The following ARHGAP21 variants were observed in gnomAD, a reference collection of about 807,000 sequenced individuals.
The protein encoded by ARHGAP21 is Rho GTPase activating protein 21.
In ARHGAP21, 38 loss-of-function variants were observed where a neutral mutation model predicts 164.6. The observed-to-expected ratio is 0.23, with a 90% CI of 0.18 to 0.30. ARHGAP21 has a LOEUF of 0.30. Ranked by LOEUF, ARHGAP21 falls within the 10% of genes least tolerant of loss-of-function variation. The probability of loss-of-function intolerance (pLI) is 1.00; values close to 1 mark genes in which losing one functional copy is unlikely to be tolerated. For synonymous variants in ARHGAP21, 766 were observed against 857.9 expected (o/e 0.89, Z 1.87); for missense variants, 1,822 against 2,370.7 (o/e 0.77, Z 4.81).
At chr10:24,720,479 T>C (rs191747847) in intron 2 of ARHGAP21, among the ~76,000 whole-genome samples, 11 of 152,350 alleles carry the variant, frequency 7.2e-5, no homozygotes, top group Non-Finnish European at 7.3e-5. Flanking sequence ...TTCCACTTAA[T>C]CATGCTTTTG....
intron 9 of ARHGAP21, among the ~76,000 whole-genome samples, chr10:24,609,007 T>C (rs983498830): frequency 6.6e-6 from 1 of 152,200 alleles, no homozygotes; most frequent in Non-Finnish European, 1.5e-5. Flanking sequence ...ATTGCACATG[T>C]TTAACAAAGT....
chr10:24,710,491 A>G (rs1844672662), intron 2 of ARHGAP21, among the ~76,000 whole-genome samples: 1 of 152,106 alleles, frequency 6.6e-6, no homozygotes, highest in Non-Finnish European at 1.5e-5. Flanking sequence ...CTAAAATCCT[A>G]TTCATTGCAA....
intron 2 of ARHGAP21, among the ~76,000 whole-genome samples, chr10:24,695,050 CAAAAAAAAAAAAAAAA>C (rs570457905): frequency 1.3e-5 from 1 of 78,506 alleles, no homozygotes; most frequent in African/African-American, 4.9e-5. Context: ...AATTCCATCT[CAAAAAAAAAAAAAAAA>C]AAAAAAAAAA....
At chr10:24,628,467 G>C (rs1054628123) in intron 7 of ARHGAP21, among the ~76,000 whole-genome samples, 1 of 151,624 alleles carries the variant, frequency 6.6e-6, no homozygotes, top group African/African-American at 2.4e-5. Flanking sequence ...TATGGCCTTT[G>C]ATGAGCTAAG....
At chr10:24,593,107 CAA>C (rs1564962290) in intron 21 of ARHGAP21, among the ~76,000 whole-genome samples, 1 of 152,096 alleles carries the variant, frequency 6.6e-6, no homozygotes, top group African/African-American at 2.4e-5. Flanking sequence ...CTGCCAAACT[CAA>C]AAAGCCAAAA....
chr10:24,679,580 C>G (rs1449554179), intron 2 of ARHGAP21, among the ~76,000 whole-genome samples: 2 of 152,190 alleles, frequency 1.3e-5, no homozygotes, highest in Non-Finnish European at 2.9e-5. Flanking sequence ...TGCCCACCAG[C>G]AGTGTATAAG....
intron 3 of ARHGAP21, among the ~76,000 whole-genome samples, chr10:24,668,948 T>C (rs1286384424): frequency 1.3e-5 from 2 of 152,182 alleles, no homozygotes; most frequent in Admixed American, 1.3e-4. Context: ...TACACAATCC[T>C]AATGTAATTA....
chr10:24,699,262 C>T (rs1466147764), intron 2 of ARHGAP21, among the ~76,000 whole-genome samples: 8 of 152,052 alleles, frequency 5.3e-5, no homozygotes, highest in African/African-American at 9.7e-5. Flanking sequence ...CATATATTTG[C>T]ATATTATATC....
chr10:24,592,418 AT>A (rs897589335), intron 21 of ARHGAP21, among the ~76,000 whole-genome samples: 1 of 152,040 alleles, frequency 6.6e-6, no homozygotes, highest in African/African-American at 2.4e-5. Context: ...ATTAGCATTC[AT>A]TTTTTTCCAA....
At chr10:24,623,092 G>GC (rs1003301366) in intron 7 of ARHGAP21, among the ~76,000 whole-genome samples, 3 of 152,172 alleles carry the variant, frequency 2.0e-5, no homozygotes, top group African/African-American at 7.2e-5. Context: ...CTCCACGAAA[G>GC]CAACAGTGAT....
chr10:24,585,398 G>A lies in ARHGAP21; in HGVS notation c.4891C>T (p.Arg1631Trp), dbSNP rs143603189. 1.5e-4 allele frequency: 247 copies of A among 1,613,812 alleles called. No homozygotes were observed. The highest frequency in any genetic ancestry group is 1.9e-4 in the Non-Finnish European group (223 of 1,180,032). Residue 1631 changes from arginine (R) to tryptophan (W), a missense_variant, in exon 26 of 26, where the codon CGG becomes TGG. Coordinates refer to ENST00000396432, the MANE Select transcript of ARHGAP21 (RefSeq NM_020824.4). ...CTCTCGCTGTCGGTTTCCACAGGCC[G>A]CCCTTCACTGATGAGTTCGCTTCTC... ...DERSELISEG[R>W]PVETDSESEF... is the part of the protein sequence containing the mutation.
chr10:24,596,681 C>CATT (rs776053612), intron 17 of ARHGAP21, 59 bp downstream of exon 17: 1 of 1,608,902 alleles, frequency 6.2e-7, no homozygotes, highest in Non-Finnish European at 8.5e-7. Context: ...ACTCAGATCC[C>CATT]ATTATAATCA....
chr10:24,622,953 AG>A (rs1834727920), intron 7 of ARHGAP21, 191 bp from the exon 8 acceptor site: 1 of 527,590 alleles, frequency 1.9e-6, no homozygotes, highest in South Asian at 2.9e-5. Context: ...TCTTTTTCTC[AG>A]GCTTTTATCT....
At chr10:24,635,518 T>C (rs1836287541) in intron 4 of ARHGAP21, among the ~76,000 whole-genome samples, 1 of 152,096 alleles carries the variant, frequency 6.6e-6, no homozygotes. Flanking sequence ...CGGTACTCAC[T>C]CCATGGCTTT....
intron 9 of ARHGAP21, among the ~76,000 whole-genome samples, chr10:24,610,174 C>T (rs1460448994): frequency 6.6e-6 from 1 of 152,108 alleles, no homozygotes; most frequent in Non-Finnish European, 1.5e-5. Context: ...GTCAGGAGTT[C>T]GAGACCAGCC....
rs1401462876 is a variant in ARHGAP21, at chr10:24,583,970, AATG to A, written c.*439_*441del. On this transcript the variant is annotated 3_prime_UTR_variant, in exon 26 of 26. Coordinates refer to ENST00000396432, the MANE Select transcript of ARHGAP21 (RefSeq NM_020824.4). Reference sequence around the variant, plus strand: ...CACCTGTGTTAAAACTGGTAAATGTAATGATATCTGTTACCAATAAAACGCATT... The same window carrying A: ...CACCTGTGTTAAAACTGGTAAATGTAATATCTGTTACCAATAAAACGCATT... 7.2e-5 allele frequency: 11 copies of A among 152,830 alleles called. No individual in the cohort carries two copies. The highest frequency in any genetic ancestry group is 3.4e-3 in the Middle Eastern group (1 of 294). The allele number at this position is 152,830 out of a possible 1,614,324, so 9.5% of individuals were successfully genotyped here.
At chr10:24,647,482 A>C (rs1837686378) in intron 4 of ARHGAP21, among the ~76,000 whole-genome samples, 1 of 152,224 alleles carries the variant, frequency 6.6e-6, no homozygotes, top group Non-Finnish European at 1.5e-5. Context: ...GGAAAAGACA[A>C]AAGAAAAGTA....
intron 7 of ARHGAP21, among the ~76,000 whole-genome samples, chr10:24,624,722 T>C (rs1268314129): frequency 1.3e-5 from 2 of 152,146 alleles, no homozygotes; most frequent in Admixed American, 6.6e-5. Flanking sequence ...AAGAATTACA[T>C]ATTCAGTATT....
chr10:24,684,699 C>T (rs975836657), intron 2 of ARHGAP21, among the ~76,000 whole-genome samples: 17 of 152,130 alleles, frequency 1.1e-4, no homozygotes, highest in Non-Finnish European at 1.0e-4. Flanking sequence ...AATGCAGTGG[C>T]GTGATCACAG....
Sources: gnomAD v4.1 joint callset for allele counts (sites outside exome capture counted in the v4.1 genomes callset) on GRCh38, gnomAD v4.1.1 for gene constraint, MANE v1.5 for transcripts, NCBI Gene and HGNC (gene_info 2026-07-23, HGNC 2026-07-21) for gene names.